Variants in SCFD2 observed in about 807,000 individuals in gnomAD.
The protein encoded by SCFD2 is sec1 family domain-containing protein 2.
Under a neutral mutation model 58.9 loss-of-function variants are expected in SCFD2, and 54 were observed. The observed-to-expected ratio is 0.92, with a 90% confidence interval of 0.74 to 1.15. SCFD2 has a LOEUF of 1.15. SCFD2 is among the 50% of genes most tolerant of loss of function. The pLI, the probability that SCFD2 is intolerant of heterozygous loss-of-function variation, is 0.00. For synonymous variants in SCFD2, 321 were observed against 335.9 expected, an observed-to-expected ratio of 0.96 and a Z score of 0.49; for missense variants, 805 against 836.6, an observed-to-expected ratio of 0.96 and a Z score of 0.47.
chr4:53,242,904 C>G (rs1729945158), intron 4 of SCFD2, among the ~76,000 whole-genome samples: 1 of 152,086 alleles, frequency 6.6e-6, no homozygotes. Context: ...GACAGGCTTT[C>G]TGAAATAAGC....
chr4:53,049,026 TCAGATGAA>T (rs1723118289), intron 5 of SCFD2, among the ~76,000 whole-genome samples: 1 of 152,096 alleles, frequency 6.6e-6, no homozygotes, highest in South Asian at 2.1e-4. Context: ...GTGGAGTAAA[TCAGATGAA>T]CAGTGTGTGA....
chr4:53,336,601 C>T (rs1227935232), intron 2 of SCFD2, among the ~76,000 whole-genome samples: 2 of 151,932 alleles, frequency 1.3e-5, no homozygotes, highest in Non-Finnish European at 2.9e-5. Flanking sequence ...CATGGCTCAC[C>T]GTAGCCTCGA....
At chr4:53,056,237 T>G (rs1457443077) in intron 5 of SCFD2, among the ~76,000 whole-genome samples, 1 of 151,992 alleles carries the variant, frequency 6.6e-6, no homozygotes, top group Admixed American at 6.6e-5. Flanking sequence ...GGGCCTTGTA[T>G]TTTTACAGCT....
intron 4 of SCFD2, among the ~76,000 whole-genome samples, chr4:53,170,493 C>T (rs901296444): frequency 6.6e-6 from 1 of 152,140 alleles, no homozygotes; most frequent in African/African-American, 2.4e-5. Context: ...TTCTTTTTTA[C>T]TCAAGATTGT....
intron 4 of SCFD2, among the ~76,000 whole-genome samples, chr4:53,174,059 A>G (rs1727257663): frequency 6.6e-6 from 1 of 152,164 alleles, no homozygotes; most frequent in South Asian, 2.1e-4. Flanking sequence ...TTTAAAAGTC[A>G]AAAACATATT....
chr4:53,071,792 G>A (rs534537853), intron 5 of SCFD2, among the ~76,000 whole-genome samples: 3 of 152,038 alleles, frequency 2.0e-5, no homozygotes, highest in Non-Finnish European at 4.4e-5. Context: ...AAATGTATGC[G>A]ACTTAAATGT....
At chr4:52,910,060 T>C (rs1404393273) in intron 6 of SCFD2, among the ~76,000 whole-genome samples, 7 of 152,212 alleles carry the variant, frequency 4.6e-5, no homozygotes, top group Non-Finnish European at 7.3e-5. Context: ...CAAATAATAA[T>C]TGACCTCTTC....
intron 7 of SCFD2, among the ~76,000 whole-genome samples, chr4:52,887,755 T>A (rs2109449531): frequency 6.6e-6 from 1 of 152,266 alleles, no homozygotes; most frequent in African/African-American, 2.4e-5. Context: ...AACGCATCTG[T>A]GGGTCACAGG....
intron 5 of SCFD2, among the ~76,000 whole-genome samples, chr4:52,921,086 G>C (rs998486470): frequency 1.3e-5 from 2 of 151,802 alleles, no homozygotes; most frequent in African/African-American, 2.4e-5. Context: ...AAATGCCTTT[G>C]ACAGAAGTGG....
At chr4:53,094,362 A>G (rs1166483520) in intron 5 of SCFD2, among the ~76,000 whole-genome samples, 14 of 152,020 alleles carry the variant, frequency 9.2e-5, no homozygotes. Flanking sequence ...TTGTTTTTCT[A>G]AGTCTCTGTC....
chr4:53,328,644 A>C (rs923491020), intron 2 of SCFD2, among the ~76,000 whole-genome samples: 2 of 152,248 alleles, frequency 1.3e-5, no homozygotes, highest in Non-Finnish European at 2.9e-5. Context: ...TTACCAGAAA[A>C]TATCAATTAA....
intron 6 of SCFD2, among the ~76,000 whole-genome samples, chr4:52,916,165 C>A (rs1316343027): frequency 2.6e-5 from 4 of 152,264 alleles, no homozygotes; most frequent in African/African-American, 9.6e-5. Flanking sequence ...GCCTAATATC[C>A]TCCTGGTGTC....
At chr4:53,182,641 A>G (rs1443253336) in intron 4 of SCFD2, among the ~76,000 whole-genome samples, 1 of 152,254 alleles carries the variant, frequency 6.6e-6, no homozygotes, top group Non-Finnish European at 1.5e-5. Flanking sequence ...ACAAAAGCCA[A>G]AATTGACAAA....
intron 3 of SCFD2, among the ~76,000 whole-genome samples, chr4:53,284,422 G>A (rs1485619706): frequency 6.6e-6 from 1 of 152,164 alleles, no homozygotes; most frequent in Non-Finnish European, 1.5e-5. Context: ...TCAGGGAAGA[G>A]AGGAAGTTTA....
chr4:52,955,574 C>T (rs529814975), intron 5 of SCFD2, among the ~76,000 whole-genome samples: 34 of 152,258 alleles, frequency 2.2e-4, no homozygotes, highest in African/African-American at 7.7e-4. Flanking sequence ...TTTCAGGGAA[C>T]ACCACTGGTA....
At chr4:52,957,472 T>G (rs1720737929) in intron 5 of SCFD2, 1 of 152,202 alleles carries the variant, frequency 6.6e-6, no homozygotes, top group African/African-American at 2.4e-5. Flanking sequence ...CGAATAGCAG[T>G]GGTTCTTCCT....
At chr4:53,151,477 T>A (rs1344367085) in intron 4 of SCFD2, among the ~76,000 whole-genome samples, 8 of 152,186 alleles carry the variant, frequency 5.3e-5, no homozygotes, top group Admixed American at 1.3e-4. Flanking sequence ...GTGTTTTTTT[T>A]AGAAAGCTGA....
chr4:52,947,561 T>C (rs1448222890), intron 5 of SCFD2, among the ~76,000 whole-genome samples: 1 of 152,072 alleles, frequency 6.6e-6, no homozygotes. Context: ...CAGGGTGGTA[T>C]TGGCACAGGG....
intron 2 of SCFD2, among the ~76,000 whole-genome samples, chr4:53,328,169 T>C (rs1296155096): frequency 1.3e-5 from 2 of 150,654 alleles, no homozygotes; most frequent in African/African-American, 4.9e-5. Flanking sequence ...GAATGATCAA[T>C]GTAAATACAT....
Sources: allele counts gnomAD v4.1 joint callset (sites outside exome capture counted in the v4.1 genomes callset), GRCh38; gene constraint gnomAD v4.1.1; transcripts MANE v1.5; gene names NCBI Gene and HGNC (gene_info 2026-07-23, HGNC 2026-07-21).